MED26: variants seen among roughly 807,000 people sequenced by gnomAD.
MED26 encodes mediator of RNA polymerase II transcription subunit 26.
In MED26, 7 loss-of-function variants were observed where a neutral mutation model predicts 43.7. That is an observed-to-expected ratio of 0.16 (90% CI 0.09 to 0.30). The LOEUF is 0.30. Ranked by LOEUF, MED26 falls within the 10% of genes least tolerant of loss-of-function variation. The pLI is 1.00. For missense variants in MED26, 784 were observed against 840.6 expected (o/e 0.93, Z 0.83); for synonymous variants, 375 against 371.1 (o/e 1.01, Z -0.12).
chr19:16,584,868 ATTTG>A (rs781293115), intron 1 of MED26, among the ~76,000 whole-genome samples: 1 of 152,182 alleles, frequency 6.6e-6, no homozygotes, highest in African/African-American at 2.4e-5. Context: ...ATTTCCTAGC[ATTTG>A]TTTGGGAGAG....
At chr19:16,579,819 T>A (rs1184262679) in intron 1 of MED26, among the ~76,000 whole-genome samples, 3 of 152,168 alleles carry the variant, frequency 2.0e-5, no homozygotes, top group African/African-American at 4.8e-5. Flanking sequence ...TTTCCTTGCA[T>A]TTTTTTCCAA....
At chr19:16,583,539 A>G (rs2086056021) in intron 1 of MED26, among the ~76,000 whole-genome samples, 1 of 152,128 alleles carries the variant, frequency 6.6e-6, no homozygotes, top group Non-Finnish European at 1.5e-5. Context: ...CAGAACCTCC[A>G]TGCAGCTACT....
rs1204808834 is a variant in MED26, at chr19:16,577,297, G to C, written c.533C>G (p.Ser178Cys). The C allele has an allele frequency of 1.9e-6, 3 of 1,611,580 alleles. No homozygotes were observed. The highest frequency in any genetic ancestry group is 1.3e-5 in the African/African-American group (1 of 74,890). ...ASHDPLVPNS[S>C]PLPTNGISGS... Reference sequence around the variant, plus strand: ...ACTGATCCCGTTGGTGGGGAGGGGGGATGAGTTGGGGACCAGGGGGTCGTG... The same window carrying C: ...ACTGATCCCGTTGGTGGGGAGGGGGCATGAGTTGGGGACCAGGGGGTCGTG... The change falls in exon 3 of 3, where the codon TCC becomes TGC. Residue 178 changes from serine to cysteine, a missense_variant. By Grantham distance (112) the Ser-to-Cys change is moderately radical. This residue lies in a region of MED26 where 719 missense variants were observed against 730.9 expected (regional missense o/e 0.98). Transcript: ENST00000263390. This position sits in a 1 kb window ranked among gnomAD's most constrained non-coding sequence, Gnocchi z 8.1.
rs1281254121 is a variant in MED26, at chr19:16,586,973, C to G, written c.73-8564G>C. The G allele has an allele frequency of 6.6e-6, 1 of 151,010 alleles. No individual in the cohort carries two copies. Among genetic ancestry groups the G allele is most frequent in the African/African-American group, 2.4e-5 (1 of 41,040 alleles). The allele number at this position is 151,010 out of a possible 1,614,324, so 9.4% of individuals were successfully genotyped here. A position where few individuals can be genotyped will look rare whatever the true frequency, so the allele number is the denominator to read the frequency against. ...AGTAATTTACAAAAACTACTTAGCT[C>G]AAAAGACTGTGGAAGTGTTCATCAG... On this transcript the variant is annotated intron_variant, in intron 1 of 2. Coordinates refer to ENST00000263390, the MANE Select transcript of MED26 (RefSeq NM_004831.5). The surrounding 1 kb of genome is among the most constrained non-coding windows in gnomAD (Gnocchi z 5.1).
chr19:16,603,899 G>T (rs1427273393), intron 1 of MED26, among the ~76,000 whole-genome samples: 3 of 152,168 alleles, frequency 2.0e-5, no homozygotes, highest in Admixed American at 1.3e-4. Flanking sequence ...CCATGGAAAG[G>T]TGCCTCTGCC....
chr19:16,580,527 C>A (rs1272747959), intron 1 of MED26, among the ~76,000 whole-genome samples: 4 of 152,100 alleles, frequency 2.6e-5, no homozygotes, highest in Non-Finnish European at 5.9e-5. Flanking sequence ...CGCCACCACG[C>A]CCAGCTAATT....
At chr19:16,606,446 A>G (rs1215789041) in intron 1 of MED26, among the ~76,000 whole-genome samples, 3 of 152,140 alleles carry the variant, frequency 2.0e-5, no homozygotes, top group Admixed American at 6.5e-5. Context: ...CAGCTACTCA[A>G]GAGGATGAGG....
At chr19:16,590,901 G>A (rs548788420) in intron 1 of MED26, among the ~76,000 whole-genome samples, 6 of 150,682 alleles carry the variant, frequency 4.0e-5, no homozygotes, top group East Asian at 2.0e-4. Context: ...TTAGCCAGGC[G>A]TGGTGGCAGG....
chr19:16,619,168 G>C (rs995996950), intron 1 of MED26, among the ~76,000 whole-genome samples: 1 of 152,188 alleles, frequency 6.6e-6, no homozygotes, highest in Non-Finnish European at 1.5e-5. Context: ...GTGAACCAAT[G>C]ACCACCCAAA....
chr19:16,580,882 T>A (rs956894569), intron 1 of MED26, among the ~76,000 whole-genome samples: 1 of 152,182 alleles, frequency 6.6e-6, no homozygotes, highest in East Asian at 1.9e-4. Context: ...AGGCAGGGCC[T>A]GCCCAGATGA....
At position 16,576,821 on chromosome 19, in the gene MED26, T is replaced by A. The variant is rs888034198; in HGVS notation, c.1009A>T (p.Ser337Cys). 2 of 1,609,674 alleles carry A rather than the reference T, an allele frequency of 1.2e-6. No individual in the cohort carries two copies. Among genetic ancestry groups the A allele is most frequent in the African/African-American group, 1.3e-5 (1 of 75,028 alleles). The change falls in exon 3 of 3, where the codon AGC (serine) becomes TGC (cysteine). Residue 337 changes from serine (S) to cysteine (C), a missense_variant. Ser to Cys is a moderately radical substitution (Grantham distance 112). Transcript: ENST00000263390. The surrounding 1 kb of genome is among the most constrained non-coding windows in gnomAD (Gnocchi z 6.8). ...RRLELLPSAESPVCWLEQPES... is the reference protein window; with the variant it reads ...RRLELLPSAECPVCWLEQPES... The stretch of plus-strand genomic sequence containing the variant: ...GGCTGCTCAAGCCAGCACACTGGGC[T>A]TTCCGCACTGGGCAGCAGCTCGAGC...
chr19:16,624,462 C>T (rs1368079850), intron 1 of MED26: 3 of 152,236 alleles, frequency 2.0e-5, no homozygotes, highest in East Asian at 3.9e-4. Flanking sequence ...TAGTTCAAGT[C>T]CCTCTTTGCT....
At chr19:16,616,565 G>C (rs967699108) in intron 1 of MED26, among the ~76,000 whole-genome samples, 8 of 152,194 alleles carry the variant, frequency 5.3e-5, no homozygotes, top group Non-Finnish European at 1.2e-4. Context: ...GTGGTCTACA[G>C]AGCAGTAGAT....
At chr19:16,607,139 T>A (rs975660819) in intron 1 of MED26, among the ~76,000 whole-genome samples, 2 of 151,956 alleles carry the variant, frequency 1.3e-5, no homozygotes, top group Non-Finnish European at 2.9e-5. Flanking sequence ...GCCAGGAGTT[T>A]AAGACCAGCC....
chr19:16,627,688 T>G (rs1038570280), intron 1 of MED26, among the ~76,000 whole-genome samples, 184 bp downstream of exon 1: 1 of 152,204 alleles, frequency 6.6e-6, no homozygotes, highest in African/African-American at 2.4e-5. Flanking sequence ...TACCGAGCGC[T>G]GCCGGGCTGC....
At chr19:16,580,897 G>A (rs530807468) in intron 1 of MED26, among the ~76,000 whole-genome samples, 4 of 152,218 alleles carry the variant, frequency 2.6e-5, no homozygotes, top group Admixed American at 6.5e-5. Flanking sequence ...AGATGATCTC[G>A]GATCACCTCC....
chr19:16,598,607 TAC>T (rs1234403169), intron 1 of MED26, among the ~76,000 whole-genome samples: 2 of 152,168 alleles, frequency 1.3e-5, no homozygotes, highest in Non-Finnish European at 2.9e-5. Flanking sequence ...CTGCTTTTGC[TAC>T]AGTTGAGAAG....
intron 1 of MED26, among the ~76,000 whole-genome samples, chr19:16,584,301 CCCG>C (rs201547358): frequency 0.022 from 3,067 of 141,094 alleles, 60 homozygotes; most frequent in Non-Finnish European, 0.033. Context: ...ACTGCCCCCC[CCCG>C]CCCCGCCAAA....
At chr19:16,607,488 C>T (rs2086179298) in intron 1 of MED26, among the ~76,000 whole-genome samples, 3 of 151,758 alleles carry the variant, frequency 2.0e-5, no homozygotes, top group African/African-American at 4.8e-5. Context: ...AGGCAGGCAA[C>T]AGACAAGACC....
Sources: allele counts gnomAD v4.1 joint callset (sites outside exome capture counted in the v4.1 genomes callset), GRCh38; gene constraint gnomAD v4.1.1; regional missense constraint gnomAD v4.1.1; non-coding constraint Gnocchi (gnomAD v3.1); transcripts MANE v1.5; gene names NCBI Gene and HGNC (gene_info 2026-07-23, HGNC 2026-07-21).